Variants in TNIK observed in about 807,000 individuals in gnomAD.
The protein encoded by TNIK is TRAF2 and NCK interacting kinase, also known as TRAF2 and NCK-interacting protein kinase.
A neutral mutation model predicts 191.3 loss-of-function variants in TNIK; 49 were observed. The observed-to-expected ratio is 0.26, with a 90% CI of 0.20 to 0.32. TNIK has a LOEUF of 0.32. TNIK is among the 10% of genes least tolerant of loss of function. TNIK has a pLI of 1.00. For synonymous variants in TNIK, 594 were observed against 600.9 expected (o/e 0.99, Z 0.17); for missense variants, 1,155 against 1,702.3 (o/e 0.68, Z 5.66).
intron 2 of TNIK, among the ~76,000 whole-genome samples, chr3:171,360,475 T>C (rs1323136862): frequency 6.6e-6 from 1 of 152,242 alleles, no homozygotes; most frequent in Non-Finnish European, 1.5e-5. Flanking sequence ...ATGTCATATC[T>C]AGAAGGAACT....
chr3:171,116,719 A>G (rs1411047099), intron 18 of TNIK, among the ~76,000 whole-genome samples: 1 of 151,514 alleles, frequency 6.6e-6, no homozygotes, highest in African/African-American at 2.4e-5. Flanking sequence ...CTTAATTTGA[A>G]TCTTATTCAG....
rs139425693 is a variant in TNIK, at chr3:171,282,977, ACAAT to A, written c.124-54760_124-54757del. Among the ~76,000 whole-genome samples the A allele has an allele frequency of 9.7e-3, 1,474 of 152,262 alleles. 28 individuals are homozygous for A. The highest frequency in any genetic ancestry group is 0.034 in the African/African-American group (1,407 of 41,546). Reference sequence around the variant, plus strand: ...CCTGGGCCCGCCTTATATTCTCTGCACAATCAGAGTGGAACCTGGGCACCTATTA... The same window carrying A: ...CCTGGGCCCGCCTTATATTCTCTGCACAGAGTGGAACCTGGGCACCTATTA... On this transcript the variant is annotated intron_variant, in intron 2 of 32. Transcript: ENST00000436636.
intron 2 of TNIK, among the ~76,000 whole-genome samples, chr3:171,337,936 C>A (rs766895997): frequency 6.6e-6 from 1 of 152,174 alleles, no homozygotes; most frequent in Non-Finnish European, 1.5e-5. Flanking sequence ...AGCTCTAGAT[C>A]TTTTTGTCTT....
At chr3:171,388,996 G>A (rs1179632326) in intron 1 of TNIK, among the ~76,000 whole-genome samples, 2 of 152,132 alleles carry the variant, frequency 1.3e-5, no homozygotes, top group Non-Finnish European at 2.9e-5. Context: ...TTCATTTCTT[G>A]TATACTTACT....
At chr3:171,378,730 A>C (rs1357177443) in intron 1 of TNIK, among the ~76,000 whole-genome samples, 1 of 152,214 alleles carries the variant, frequency 6.6e-6, no homozygotes, top group Non-Finnish European at 1.5e-5. Flanking sequence ...TTCTGAGATC[A>C]TATCAATAAA....
chr3:171,353,386 C>T (rs542526555), intron 2 of TNIK, among the ~76,000 whole-genome samples: 1 of 152,152 alleles, frequency 6.6e-6, no homozygotes, highest in Non-Finnish European at 1.5e-5. Flanking sequence ...ATCTGTAAAG[C>T]AGGGATACTA....
At chr3:171,327,324 G>A (rs1051799877) in intron 2 of TNIK, among the ~76,000 whole-genome samples, 5 of 152,182 alleles carry the variant, frequency 3.3e-5, no homozygotes, top group East Asian at 1.9e-4. Context: ...CAATTGTAGA[G>A]CCAATGCCAT....
At chr3:171,316,859 G>C (rs1754652692) in intron 2 of TNIK, among the ~76,000 whole-genome samples, 1 of 150,062 alleles carries the variant, frequency 6.7e-6, no homozygotes, top group Non-Finnish European at 1.5e-5. Context: ...ATTTGCCTAA[G>C]GAACTAAGAA....
At chr3:171,406,864 T>A (rs1397434780) in intron 1 of TNIK, among the ~76,000 whole-genome samples, 1 of 152,238 alleles carries the variant, frequency 6.6e-6, no homozygotes, top group East Asian at 1.9e-4. Context: ...AAATCACTGA[T>A]TCAGTACTGA....
chr3:171,178,037 TCTCA>T (rs1033223592), intron 7 of TNIK, among the ~76,000 whole-genome samples: 1 of 152,262 alleles, frequency 6.6e-6, no homozygotes, highest in Non-Finnish European at 1.5e-5. Context: ...CATATCAGTA[TCTCA>T]CTCCTTTTTA....
chr3:171,223,471 G>T (rs1009664357), intron 3 of TNIK, among the ~76,000 whole-genome samples: 8 of 152,050 alleles, frequency 5.3e-5, no homozygotes, highest in Non-Finnish European at 1.2e-4. Flanking sequence ...AATGAAAAAA[G>T]AATCACATGA....
intron 1 of TNIK, among the ~76,000 whole-genome samples, chr3:171,390,863 A>G (rs188819193): frequency 8.5e-5 from 13 of 152,330 alleles, no homozygotes; most frequent in Middle Eastern, 3.4e-3. Context: ...GAACCTGCTA[A>G]AACTAGATAC....
At chr3:171,429,658 C>T (rs1356420709) in intron 1 of TNIK, among the ~76,000 whole-genome samples, 1 of 152,204 alleles carries the variant, frequency 6.6e-6, no homozygotes, top group African/African-American at 2.4e-5. Flanking sequence ...ATCACTTCTT[C>T]CTTTCAGATG....
intron 2 of TNIK, among the ~76,000 whole-genome samples, chr3:171,265,410 C>G (rs917992969): frequency 2.0e-5 from 3 of 151,850 alleles, no homozygotes; most frequent in African/African-American, 7.3e-5. Context: ...TTTAGAAGAG[C>G]CACAGGCTAG....
intron 12 of TNIK, among the ~76,000 whole-genome samples, chr3:171,142,563 C>T (rs1730984530): frequency 6.6e-6 from 1 of 152,156 alleles, no homozygotes. Context: ...GGCCAAGGGG[C>T]ACAGTGGACG....
At chr3:171,432,018 T>TA (rs1490772498) in intron 1 of TNIK, among the ~76,000 whole-genome samples, 1 of 152,214 alleles carries the variant, frequency 6.6e-6, no homozygotes, top group Non-Finnish European at 1.5e-5. Context: ...ACGTAATATA[T>TA]AAAAATTTTA....
At chr3:171,073,538 G>A (rs563957933) in intron 28 of TNIK, among the ~76,000 whole-genome samples, 1 of 152,212 alleles carries the variant, frequency 6.6e-6, no homozygotes, top group African/African-American at 2.4e-5. Flanking sequence ...TAATTAATAA[G>A]CTAATGAGCT....
intron 1 of TNIK, 75 bp downstream of exon 1, chr3:171,459,932 G>T: frequency 3.3e-6 from 2 of 606,144 alleles, no homozygotes; most frequent in Non-Finnish European, 5.9e-6. Flanking sequence ...CCCAGCCCCA[G>T]CCCCCAGTCC....
At chr3:171,183,057 TATC>T (rs2108805544) in intron 7 of TNIK, among the ~76,000 whole-genome samples, 1 of 152,308 alleles carries the variant, frequency 6.6e-6, no homozygotes, top group East Asian at 1.9e-4. Flanking sequence ...TAGGACCAGA[TATC>T]ATCAACTGGC....
Sources: gnomAD v4.1 joint callset for allele counts (sites outside exome capture counted in the v4.1 genomes callset) on GRCh38, gnomAD v4.1.1 for gene constraint, MANE v1.5 for transcripts, NCBI Gene and HGNC (gene_info 2026-07-23, HGNC 2026-07-21) for gene names.